The following SVIL variants were observed in gnomAD, a reference collection of about 807,000 sequenced individuals.
The protein encoded by SVIL is supervillin.
Under a neutral mutation model 240.4 loss-of-function variants are expected in SVIL, and 101 were observed. That is an observed-to-expected ratio of 0.42 (90% CI 0.36 to 0.50). SVIL has a LOEUF of 0.50. SVIL is among the 20% of genes least tolerant of loss of function. The pLI is 0.01. For missense variants in SVIL, 2,512 were observed against 2,818.7 expected, an observed-to-expected ratio of 0.89 and a Z score of 2.46; for synonymous variants, 999 against 1,100.0, an observed-to-expected ratio of 0.91 and a Z score of 1.82.
intron 3 of SVIL, among the ~76,000 whole-genome samples, chr10:29,648,873 C>A (rs921072914): frequency 1.3e-5 from 2 of 151,682 alleles, no homozygotes; most frequent in Admixed American, 6.6e-5. Context: ...CATAGAGGCT[C>A]ATGCCTATAT....
chr10:29,601,263 C>T (rs1246110161), intron 1 of SVIL, among the ~76,000 whole-genome samples: 1 of 152,162 alleles, frequency 6.6e-6, no homozygotes, highest in Non-Finnish European at 1.5e-5. Context: ...CACATTTTAA[C>T]CTAAAACCAA....
chr10:29,475,395 C>T (rs1348420685), intron 29 of SVIL: 1 of 152,254 alleles, frequency 6.6e-6, no homozygotes, highest in Non-Finnish European at 1.5e-5. Context: ...TTCATTCGTT[C>T]ATGCATTCAA....
At chr10:29,621,138 A>G (rs61577051) in intron 1 of SVIL, among the ~76,000 whole-genome samples, 5 of 152,144 alleles carry the variant, frequency 3.3e-5, no homozygotes, top group Non-Finnish European at 5.9e-5. Flanking sequence ...ATACATCACT[A>G]CCTCCATGTA....
intron 2 of SVIL, among the ~76,000 whole-genome samples, chr10:29,665,424 G>A (rs1417890374): frequency 1.3e-5 from 2 of 151,978 alleles, no homozygotes; most frequent in South Asian, 2.1e-4. Flanking sequence ...CTTCATAGGT[G>A]CACATTTTCA....
intron 3 of SVIL, among the ~76,000 whole-genome samples, chr10:29,652,053 T>C (rs1034476585): frequency 6.6e-6 from 1 of 152,062 alleles, no homozygotes; most frequent in Non-Finnish European, 1.5e-5. Flanking sequence ...CTTACTGATA[T>C]AAAATTCACA....
chr10:29,460,038 G>T (rs1036625091), intron 36 of SVIL, among the ~76,000 whole-genome samples: 6 of 152,118 alleles, frequency 3.9e-5, no homozygotes, highest in Non-Finnish European at 7.4e-5. Flanking sequence ...GTTTGTGTGA[G>T]CCATGATTGA....
chr10:29,604,288 C>G (rs1219408024), intron 1 of SVIL, among the ~76,000 whole-genome samples: 3 of 149,392 alleles, frequency 2.0e-5, no homozygotes, highest in Non-Finnish European at 4.4e-5. Context: ...CAACCTCCAC[C>G]TCCCGGGTTC....
upstream of SVIL, among the ~76,000 whole-genome samples, chr10:29,735,995 C>T (rs1300656777): frequency 6.6e-6 from 1 of 152,172 alleles, no homozygotes; most frequent in African/African-American, 2.4e-5. This position sits in a 1 kb window ranked among gnomAD's most constrained non-coding sequence, Gnocchi z 4.1. Context: ...GGCGGGAGCA[C>T]CCTCGGACTG....
intron 29 of SVIL, 105 bp downstream of exon 29, chr10:29,480,432 A>C (rs1268836927): frequency 1.0e-5 from 15 of 1,430,062 alleles, no homozygotes; most frequent in African/African-American, 2.8e-5. Flanking sequence ...GCCCCACTGC[A>C]CGGACGCAGC....
At chr10:29,570,094 C>A (rs1391060075) in intron 1 of SVIL, among the ~76,000 whole-genome samples, 1 of 152,204 alleles carries the variant, frequency 6.6e-6, no homozygotes, top group African/African-American at 2.4e-5. Flanking sequence ...GGGGCAGAAG[C>A]CCAAGGAAAA....
At chr10:29,574,313 T>C (rs941076514) in intron 1 of SVIL, among the ~76,000 whole-genome samples, 1 of 152,176 alleles carries the variant, frequency 6.6e-6, no homozygotes, top group Non-Finnish European at 1.5e-5. Context: ...GGGAGGTCAC[T>C]GTCATAGCAT....
chr10:29,548,764 T>C (rs189879116), intron 6 of SVIL, among the ~76,000 whole-genome samples: 426 of 152,340 alleles, frequency 2.8e-3, no homozygotes, highest in Non-Finnish European at 4.4e-3. Flanking sequence ...TCTGTGATTC[T>C]AATCACAGCA....
chr10:29,730,534 A>C (rs897435721), intron 1 of SVIL, among the ~76,000 whole-genome samples: 5 of 152,222 alleles, frequency 3.3e-5, no homozygotes, highest in Admixed American at 2.0e-4. Context: ...GAGCATCTCA[A>C]GTGAAAACGT....
chr10:29,704,689 C>T (rs73596078), intron 1 of SVIL, among the ~76,000 whole-genome samples: 2,561 of 152,220 alleles, frequency 0.017, 87 homozygotes, highest in Admixed American at 0.074. Flanking sequence ...TTCACAACCA[C>T]GATCATCATT....
intron 2 of SVIL, among the ~76,000 whole-genome samples, chr10:29,668,369 C>T (rs1959494855): frequency 6.6e-6 from 1 of 152,214 alleles, no homozygotes; most frequent in South Asian, 2.1e-4. Context: ...GCCTACAAAA[C>T]CACTAACTCA....
At chr10:29,732,184 A>G (rs545721576) in intron 1 of SVIL, among the ~76,000 whole-genome samples, 2 of 150,870 alleles carry the variant, frequency 1.3e-5, no homozygotes, top group Non-Finnish European at 3.0e-5. Flanking sequence ...AAACCTACAT[A>G]ATGACAATCC....
At chr10:29,627,136 C>T (rs1404247187) in intron 1 of SVIL, among the ~76,000 whole-genome samples, 1 of 152,142 alleles carries the variant, frequency 6.6e-6, no homozygotes, top group African/African-American at 2.4e-5. Context: ...TGTATTTCAA[C>T]AGAAACAAGC....
chr10:29,627,741 G>C (rs979821467), intron 1 of SVIL, among the ~76,000 whole-genome samples: 1 of 152,190 alleles, frequency 6.6e-6, no homozygotes, highest in Non-Finnish European at 1.5e-5. Context: ...TCAAATGGGA[G>C]AATCCTGTGT....
At chr10:29,718,244 T>G (rs1181807886) in intron 1 of SVIL, among the ~76,000 whole-genome samples, 1 of 151,726 alleles carries the variant, frequency 6.6e-6, no homozygotes, top group Non-Finnish European at 1.5e-5. Flanking sequence ...GAGAATCGCT[T>G]GAACCCAGGA....
Sources: allele counts gnomAD v4.1 joint callset (sites outside exome capture counted in the v4.1 genomes callset), GRCh38; gene constraint gnomAD v4.1.1; non-coding constraint Gnocchi (gnomAD v3.1); transcripts MANE v1.5; gene names NCBI Gene and HGNC (gene_info 2026-07-23, HGNC 2026-07-21).